CMTM8: variants seen among roughly 807,000 people sequenced by gnomAD.
CMTM8 encodes the protein CKLF like MARVEL transmembrane domain containing 8.
CMTM8 carries 12 observed loss-of-function variants against 18.6 expected under a neutral mutation model. That is an observed-to-expected ratio of 0.65 (90% CI 0.41 to 1.05). The LOEUF (loss-of-function observed/expected upper bound fraction) is 1.05, where lower values mean the gene tolerates loss of function less well. Ranked by LOEUF, CMTM8 falls within the 50% of genes least tolerant of loss-of-function variation. The probability of loss-of-function intolerance (pLI) is 0.00; values close to 1 mark genes in which losing one functional copy is unlikely to be tolerated. For synonymous variants in CMTM8, 87 were observed against 90.6 expected (o/e 0.96, Z 0.23); for missense variants, 217 against 227.2 (o/e 0.95, Z 0.29).
intron 1 of CMTM8, chr3:32,259,428 T>C: frequency 1.2e-6 from 1 of 841,382 alleles, no homozygotes; most frequent in Non-Finnish European, 2.1e-6. Context: ...GCTGATGACT[T>C]TAGAGTCAAG....
chr3:32,270,655 G>A (rs1382718417), intron 1 of CMTM8, among the ~76,000 whole-genome samples: 1 of 152,106 alleles, frequency 6.6e-6, no homozygotes, highest in Non-Finnish European at 1.5e-5. Flanking sequence ...TCACTCATAG[G>A]TGGGAATTGA....
At chr3:32,368,559 T>G (rs1031431869) in intron 3 of CMTM8, among the ~76,000 whole-genome samples, 1 of 151,490 alleles carries the variant, frequency 6.6e-6, no homozygotes, top group African/African-American at 2.4e-5. Flanking sequence ...CTCCTCAGCT[T>G]GAGCCATCCT....
chr3:32,257,860 A>G (rs1702194494), intron 1 of CMTM8, among the ~76,000 whole-genome samples: 2 of 152,148 alleles, frequency 1.3e-5, no homozygotes, highest in African/African-American at 4.8e-5. Flanking sequence ...CAGTGAATAC[A>G]GGTTTTCATC....
chr3:32,261,691 T>G (rs952484828), intron 1 of CMTM8, among the ~76,000 whole-genome samples: 2 of 152,196 alleles, frequency 1.3e-5, no homozygotes, highest in African/African-American at 4.8e-5. Flanking sequence ...GGGGAATCCC[T>G]CCTTTCTTTC....
At chr3:32,286,893 G>A (rs1702696693) in intron 1 of CMTM8, among the ~76,000 whole-genome samples, 1 of 152,254 alleles carries the variant, frequency 6.6e-6, no homozygotes, top group African/African-American at 2.4e-5. Flanking sequence ...GCTGTAGCGT[G>A]TTGTCCAGGT....
intron 1 of CMTM8, among the ~76,000 whole-genome samples, chr3:32,262,425 C>T (rs149811484): frequency 3.5e-4 from 54 of 152,284 alleles, no homozygotes; most frequent in African/African-American, 1.3e-3. Flanking sequence ...GTAAGGCACA[C>T]TGCAAGGGGA....
chr3:32,271,988 T>C (rs532874820), intron 1 of CMTM8, among the ~76,000 whole-genome samples: 155 of 152,358 alleles, frequency 1.0e-3, no homozygotes, highest in Non-Finnish European at 1.5e-3. Context: ...ACCCACATAG[T>C]TGCCTGATGT....
chr3:32,289,619 A>G (rs1241331008), intron 1 of CMTM8, among the ~76,000 whole-genome samples: 20 of 152,252 alleles, frequency 1.3e-4, no homozygotes, highest in Admixed American at 1.2e-3. Flanking sequence ...CCAGTATGCT[A>G]GTATATTAAC....
At chr3:32,346,901 A>G (rs114816666) in intron 1 of CMTM8, among the ~76,000 whole-genome samples, 12,201 of 151,458 alleles carry the variant, frequency 0.081, 597 homozygotes, top group East Asian at 0.18. Context: ...GCTCATTGCA[A>G]CCTCAACCTC....
At chr3:32,264,542 A>G (rs560939413) in intron 1 of CMTM8, among the ~76,000 whole-genome samples, 1 of 152,350 alleles carries the variant, frequency 6.6e-6, no homozygotes, top group South Asian at 2.1e-4. Flanking sequence ...AACTGCATCA[A>G]GTAACAAGCA....
At chr3:32,286,364 G>C (rs1281825515) in intron 1 of CMTM8, among the ~76,000 whole-genome samples, 1 of 152,108 alleles carries the variant, frequency 6.6e-6, no homozygotes, top group Non-Finnish European at 1.5e-5. Flanking sequence ...GTGGCCTCAG[G>C]TCCACAGTTT....
intron 1 of CMTM8, among the ~76,000 whole-genome samples, chr3:32,306,097 G>A (rs1170507116): frequency 6.6e-6 from 1 of 152,150 alleles, no homozygotes; most frequent in Non-Finnish European, 1.5e-5. Flanking sequence ...TCGTGAGTCT[G>A]TGGGGTTGGT....
At chr3:32,341,959 A>G (rs1374812860) in intron 1 of CMTM8, among the ~76,000 whole-genome samples, 1 of 151,868 alleles carries the variant, frequency 6.6e-6, no homozygotes, top group Non-Finnish European at 1.5e-5. Flanking sequence ...GATAAAACCT[A>G]TTTTAAGGCT....
chr3:32,360,922 AAT>A (rs1696910417), intron 2 of CMTM8, among the ~76,000 whole-genome samples: 1 of 152,246 alleles, frequency 6.6e-6, no homozygotes, highest in Non-Finnish European at 1.5e-5. Context: ...CTGGTTTAAA[AAT>A]AGTTATAGAT....
intron 1 of CMTM8, among the ~76,000 whole-genome samples, chr3:32,322,672 A>G (rs1401266874): frequency 6.6e-6 from 1 of 152,190 alleles, no homozygotes; most frequent in East Asian, 1.9e-4. Flanking sequence ...GCCATGGCAT[A>G]GATGGTTGGT....
intron 1 of CMTM8, among the ~76,000 whole-genome samples, chr3:32,334,323 T>C (rs1341837471): frequency 6.6e-6 from 1 of 151,154 alleles, no homozygotes; most frequent in African/African-American, 2.4e-5. Context: ...AAATAGTCTA[T>C]TGACCGAGCG....
intron 1 of CMTM8, among the ~76,000 whole-genome samples, chr3:32,247,090 G>C (rs1476597993): frequency 6.6e-6 from 1 of 152,058 alleles, no homozygotes; most frequent in Non-Finnish European, 1.5e-5. Flanking sequence ...GACAGAGTGA[G>C]ACTATGTCCC....
intron 1 of CMTM8, among the ~76,000 whole-genome samples, chr3:32,294,926 A>G (rs1367193991): frequency 1.3e-5 from 2 of 151,932 alleles, no homozygotes; most frequent in African/African-American, 4.8e-5. Context: ...GTGGTGGTGC[A>G]CACCTATAAT....
intron 1 of CMTM8, among the ~76,000 whole-genome samples, chr3:32,248,423 G>T (rs1032367685): frequency 6.6e-6 from 1 of 151,962 alleles, no homozygotes; most frequent in African/African-American, 2.4e-5. Flanking sequence ...GTGCGGTAGC[G>T]CGATCTTGGC....
Sources: gnomAD v4.1 joint callset for allele counts (sites outside exome capture counted in the v4.1 genomes callset) on GRCh38, gnomAD v4.1.1 for gene constraint, MANE v1.5 for transcripts, NCBI Gene and HGNC (gene_info 2026-07-23, HGNC 2026-07-21) for gene names.